The following TTC28 variants were observed in gnomAD, a reference collection of about 807,000 sequenced individuals.
The protein encoded by TTC28 is tetratricopeptide repeat protein 28.
Under a neutral mutation model 198.0 loss-of-function variants are expected in TTC28, and 61 were observed. The observed-to-expected ratio is 0.31, with a 90% CI of 0.25 to 0.38. TTC28 has a LOEUF of 0.38. Among genes scored for constraint, TTC28 ranks in the 10% least tolerant of loss-of-function variants. TTC28 has a pLI of 1.00. For missense variants in TTC28, 2,678 were observed against 3,164.0 expected, an observed-to-expected ratio of 0.85 and a Z score of 3.69; for synonymous variants, 1,171 against 1,297.8, an observed-to-expected ratio of 0.90 and a Z score of 2.10.
chr22:28,506,726 T>G (rs1293983134), intron 2 of TTC28, among the ~76,000 whole-genome samples: 1 of 152,216 alleles, frequency 6.6e-6, no homozygotes, highest in Non-Finnish European at 1.5e-5. Flanking sequence ...CCATCTTTGC[T>G]GTTTCACAGC....
chr22:28,478,504 G>T (rs2048197529), intron 2 of TTC28, among the ~76,000 whole-genome samples: 1 of 151,950 alleles, frequency 6.6e-6, no homozygotes, highest in African/African-American at 2.4e-5. Flanking sequence ...GTGAGACTCT[G>T]TCTCAAAATC....
At chr22:28,384,186 A>G (rs1004022155) in intron 2 of TTC28, among the ~76,000 whole-genome samples, 9 of 152,098 alleles carry the variant, frequency 5.9e-5, no homozygotes, top group Admixed American at 5.9e-4. Context: ...GTTCTATCCA[A>G]GATAAAATTG....
In TTC28 at chr22:28,091,939, G is replaced by C. The variant is rs139908208; in HGVS notation, c.3932+2141C>G. ...GGAGTTGTAGAGGCTTCCTTAAGGAGAGAATATTTGAGCTGAGCTCAGAGG... is the reference window on the plus strand; with the variant it reads ...GGAGTTGTAGAGGCTTCCTTAAGGACAGAATATTTGAGCTGAGCTCAGAGG... On this transcript the variant is annotated intron_variant, in intron 12 of 22. Transcript: ENST00000397906. Among the ~76,000 whole-genome samples, 234 of 152,256 alleles carry C rather than the reference G, an allele frequency of 1.5e-3. 2 individuals are homozygous for C. Among genetic ancestry groups the C allele is most frequent in the African/African-American group, 5.4e-3 (223 of 41,544 alleles).
chr22:27,993,154 G>C, intron 18 of TTC28, 133 bp downstream of exon 18: 1 of 790,056 alleles, frequency 1.3e-6, no homozygotes, highest in Non-Finnish European at 1.9e-6. Context: ...GGGACCCCCT[G>C]CCATTTCTCA....
intron 5 of TTC28, among the ~76,000 whole-genome samples, chr22:28,219,110 T>C (rs1271926454): frequency 6.6e-6 from 1 of 152,122 alleles, no homozygotes. Flanking sequence ...TTGAAGTCAG[T>C]GGGATTAAGT....
At chr22:28,678,231 A>G (rs199729583) in intron 1 of TTC28, among the ~76,000 whole-genome samples, 569 of 132,138 alleles carry the variant, frequency 4.3e-3, no homozygotes, top group South Asian at 9.1e-3. Flanking sequence ...TTACTTATTT[A>G]AGAGACTGGG....
At chr22:28,205,036 A>G (rs569786919) in intron 5 of TTC28, among the ~76,000 whole-genome samples, 9 of 152,264 alleles carry the variant, frequency 5.9e-5, no homozygotes, top group African/African-American at 2.2e-4. Flanking sequence ...AGAGGAGCAT[A>G]CAACCAACTC....
At chr22:28,498,616 T>C (rs145609453) in intron 2 of TTC28, among the ~76,000 whole-genome samples, 70 of 152,306 alleles carry the variant, frequency 4.6e-4, no homozygotes, top group African/African-American at 1.5e-3. Flanking sequence ...GATAATAAAA[T>C]GATTAGATTG....
chr22:28,678,999 G>C (rs9613664), intron 1 of TTC28, among the ~76,000 whole-genome samples: 10,965 of 152,222 alleles, frequency 0.072, 473 homozygotes, highest in Admixed American at 0.15. Flanking sequence ...GGGTAAGCTC[G>C]AGAGCCCAGA....
At chr22:28,626,237 T>C (rs1390198633) in intron 2 of TTC28, among the ~76,000 whole-genome samples, 1 of 152,140 alleles carries the variant, frequency 6.6e-6, no homozygotes, top group Admixed American at 6.5e-5. Flanking sequence ...GTTCCCATAG[T>C]GCTTTGTTCA....
intron 2 of TTC28, among the ~76,000 whole-genome samples, chr22:28,367,495 A>T (rs1051735049): frequency 9.2e-5 from 14 of 152,114 alleles, no homozygotes; most frequent in Non-Finnish European, 1.6e-4. Context: ...GAAAAACCTC[A>T]AATAAATAAC....
chr22:28,677,354 T>A (rs1478436779), intron 1 of TTC28, among the ~76,000 whole-genome samples: 1 of 151,502 alleles, frequency 6.6e-6, no homozygotes, highest in East Asian at 2.0e-4. Context: ...TTTCAAAATA[T>A]CACAAAGATT....
At chr22:28,634,334 AC>A (rs1337473410) in intron 1 of TTC28, among the ~76,000 whole-genome samples, 2 of 151,054 alleles carry the variant, frequency 1.3e-5, no homozygotes, top group Non-Finnish European at 3.0e-5. Context: ...ACATGATAAA[AC>A]CCCGTCTCTA....
At chr22:28,170,307 G>A (rs1188278257) in intron 5 of TTC28, among the ~76,000 whole-genome samples, 2 of 151,756 alleles carry the variant, frequency 1.3e-5, no homozygotes, top group Non-Finnish European at 1.5e-5. Flanking sequence ...CTAACACGGT[G>A]AAACCCCGTC....
At chr22:28,536,548 C>T (rs1307397809) in intron 2 of TTC28, among the ~76,000 whole-genome samples, 5 of 151,800 alleles carry the variant, frequency 3.3e-5, no homozygotes, top group East Asian at 3.9e-4. Flanking sequence ...GGCGTGAACC[C>T]GGGAGGCGGA....
chr22:28,060,113 T>C (rs1175399588), intron 12 of TTC28, among the ~76,000 whole-genome samples: 1 of 152,200 alleles, frequency 6.6e-6, no homozygotes, highest in Non-Finnish European at 1.5e-5. Context: ...TTGTTATTAT[T>C]ATACTTTAAG....
chr22:28,322,544 G>A (rs540029026), intron 2 of TTC28, among the ~76,000 whole-genome samples: 1 of 152,256 alleles, frequency 6.6e-6, no homozygotes, highest in East Asian at 1.9e-4. Flanking sequence ...TATAATATGT[G>A]AGCTGGTGAA....
rs749731268 is a variant in TTC28, at chr22:27,993,333, C to T, written c.5430G>A (p.Pro1810=). ...PAAVFFPTSD[P]GDRLQQCSST... ...TGCTGCACTGCTGGAGCCGGTCGCC[C>T]GGGTCGGAGGTTGGGAAGAAGACAG... Residue 1810 remains proline (P), a synonymous_variant, in exon 18 of 23, where the codon CCG becomes CCA. Transcript: ENST00000397906. 30 of 1,549,594 alleles carry T rather than the reference C, an allele frequency of 1.9e-5. No homozygotes were observed. Among genetic ancestry groups the T allele is most frequent in the African/African-American group, 1.1e-4 (8 of 73,178 alleles).
chr22:28,047,532 C>T (rs1383736082), intron 12 of TTC28, among the ~76,000 whole-genome samples: 1 of 152,144 alleles, frequency 6.6e-6, no homozygotes, highest in Non-Finnish European at 1.5e-5. Context: ...CCGCAGGGCC[C>T]CTCTAAAGCG....
Sources: gnomAD v4.1 joint callset for allele counts (sites outside exome capture counted in the v4.1 genomes callset) on GRCh38, gnomAD v4.1.1 for gene constraint, MANE v1.5 for transcripts, NCBI Gene and HGNC (gene_info 2026-07-23, HGNC 2026-07-21) for gene names.